Variants in FAM86B2 observed in about 807,000 individuals in gnomAD.
FAM86B2 encodes the protein family with sequence similarity 86 member B2.
FAM86B2 carries 1 observed loss-of-function variant against 26.5 expected under a neutral mutation model. The ratio of observed to expected loss-of-function variants is 0.04; its 90% CI spans 0.01 to 0.18. FAM86B2 has a LOEUF of 0.18. Among genes scored for constraint, FAM86B2 ranks in the 10% least tolerant of loss-of-function variants. FAM86B2 has a pLI of 1.00. For missense variants in FAM86B2, 43 were observed against 303.5 expected (o/e 0.14, Z 6.38); for synonymous variants, 11 against 127.8 (o/e 0.09, Z 6.17).
chr8:12,435,844 G>C lies in FAM86B2; in HGVS notation c.96+404C>G, dbSNP rs904129778. On this transcript the variant is annotated intron_variant, in intron 1 of 7. Transcript: ENST00000262365. Reference sequence around the variant, plus strand: ...TGAGAACACTGAGGCACGAGGGACAGCCTGTGACCTGGTCACCACGCTCAG... The same window carrying C: ...TGAGAACACTGAGGCACGAGGGACACCCTGTGACCTGGTCACCACGCTCAG... 3.6e-5 allele frequency among the ~76,000 whole-genome samples: 5 copies of C among 140,372 alleles called. 1 individual carries two copies. The highest frequency in any genetic ancestry group is 6.9e-5 in the Admixed American group (1 of 14,474). The allele number at this position is 140,372 out of a possible 152,430, so 92.1% of individuals were successfully genotyped here.
Position 12,424,865 on chromosome 8 carries a change from T to G in FAM86B2, c.*1024A>C, listed in dbSNP as rs79003806. 0.05 allele frequency: 73,831 copies of G among 1,472,882 alleles called. 1,197 individuals are homozygous for G. The highest frequency in any genetic ancestry group is 0.35 in the African/African-American group (23,491 of 66,532). 91.2% of individuals were successfully genotyped at this position (1,472,882 alleles called of 1,614,324 possible). On this transcript the variant is annotated 3_prime_UTR_variant, in exon 8 of 8. Coordinates refer to ENST00000262365, the MANE Select transcript of FAM86B2 (RefSeq NM_001137610.3). ...GAGTTAAGCTCTGCTCTTTAGCATT[T>G]TGCAGATGCTTTTCTCAAACTTTTC...
At chr8:12,431,561 TA>T in intron 3 of FAM86B2, among the ~76,000 whole-genome samples, 1 of 84,464 alleles carries the variant, frequency 1.2e-5, no homozygotes, top group Non-Finnish European at 2.2e-5. Context: ...AATAAATAAA[TA>T]AATAAATAAA....
intron 4 of FAM86B2, among the ~76,000 whole-genome samples, chr8:12,429,448 GT>G (rs1232701616): frequency 1.4e-5 from 1 of 71,288 alleles, no homozygotes; most frequent in African/African-American, 5.2e-5. Flanking sequence ...AATATGCTAT[GT>G]TTTTCCTTTG....
chr8:12,426,359 A>G (rs1454562488), intron 7 of FAM86B2, among the ~76,000 whole-genome samples: 1 of 148,336 alleles, frequency 6.7e-6, no homozygotes. Context: ...GTCTCAAAAA[A>G]AAAAAAAGGT....
At chr8:12,429,448 GTTTT>G (rs1232701616) in intron 4 of FAM86B2, among the ~76,000 whole-genome samples, 33 of 71,238 alleles carry the variant, frequency 4.6e-4, no homozygotes, top group Admixed American at 1.3e-3. Flanking sequence ...AATATGCTAT[GTTTT>G]TCCTTTGTGG....
chr8:12,434,825 C>T (rs1424323058), intron 1 of FAM86B2, among the ~76,000 whole-genome samples: 1 of 149,268 alleles, frequency 6.7e-6, no homozygotes, highest in African/African-American at 2.5e-5. Context: ...AGTTCAAATG[C>T]CACCTCTTTG....
chr8:12,428,328 G>A (rs3959016), intron 6 of FAM86B2, among the ~76,000 whole-genome samples: 18,703 of 140,760 alleles, frequency 0.13, 50 homozygotes, highest in East Asian at 0.24. Context: ...CCCTGACCTC[G>A]TACCAGAAGT....
chr8:12,426,464 C>A (rs1403855022), intron 7 of FAM86B2, among the ~76,000 whole-genome samples: 3 of 35,942 alleles, frequency 8.3e-5, no homozygotes, highest in South Asian at 1.3e-3. Context: ...TGAAGAAAGA[C>A]TTCCTTTTTT....
intron 2 of FAM86B2, among the ~76,000 whole-genome samples, chr8:12,432,836 AC>A (rs1798287261): frequency 6.6e-6 from 1 of 151,228 alleles, no homozygotes; most frequent in Non-Finnish European, 1.5e-5. Flanking sequence ...CCCAGGCAAT[AC>A]ACAGGCTCTT....
chr8:12,428,424 C>T (rs1239921724), intron 6 of FAM86B2, among the ~76,000 whole-genome samples: 4 of 152,086 alleles, frequency 2.6e-5, no homozygotes, highest in Non-Finnish European at 2.9e-5. Context: ...CGGGAGTATG[C>T]CTGTCTCCAA....
At chr8:12,434,991 C>G (rs1340823114) in intron 1 of FAM86B2, among the ~76,000 whole-genome samples, 2 of 151,386 alleles carry the variant, frequency 1.3e-5, no homozygotes, top group African/African-American at 4.9e-5. Context: ...AGAGCCTCAT[C>G]TATCATGGGT....
intron 1 of FAM86B2, among the ~76,000 whole-genome samples, chr8:12,434,749 C>G (rs1289524737): frequency 2.1e-5 from 3 of 145,800 alleles, no homozygotes; most frequent in African/African-American, 7.7e-5. Flanking sequence ...ATTTCCACAA[C>G]AGGGCCTTTG....
Position 12,426,414 on chromosome 8 carries a change from C to A in FAM86B2, c.893-425G>T, listed in dbSNP as rs1381153720. Among the ~76,000 whole-genome samples, 37 of 132,658 alleles carry A rather than the reference C, an allele frequency of 2.8e-4. 2 individuals are homozygous for A. The highest frequency in any genetic ancestry group is 9.1e-4 in the African/African-American group (32 of 35,150). The allele number at this position is 132,658 out of a possible 152,430, so 87.0% of individuals were successfully genotyped here. On this transcript the variant is annotated intron_variant, in intron 7 of 7. Coordinates refer to ENST00000262365, the MANE Select transcript of FAM86B2 (RefSeq NM_001137610.3). ...GTGTGCTGCTTGGCACTGTTTTTTT[C>A]ACTTAAAAGATATTGCAGGTTTTTT...
chr8:12,434,985 C>T (rs1247630051), intron 1 of FAM86B2, among the ~76,000 whole-genome samples: 1 of 151,480 alleles, frequency 6.6e-6, no homozygotes, highest in Non-Finnish European at 1.5e-5. Flanking sequence ...GCAAGCAGAG[C>T]CTCATCTATC....
At chr8:12,434,802 C>T (rs1264412958) in intron 1 of FAM86B2, among the ~76,000 whole-genome samples, 2 of 146,428 alleles carry the variant, frequency 1.4e-5, no homozygotes, top group Non-Finnish European at 3.0e-5. Context: ...GGCTGCTTCA[C>T]CACTCAGGCC....
chr8:12,435,874 A>G (rs142669535), intron 1 of FAM86B2, among the ~76,000 whole-genome samples: 12,136 of 139,664 alleles, frequency 0.087, 615 homozygotes, highest in African/African-American at 0.14. Flanking sequence ...GCTCAGGAGG[A>G]GGTGGTTACC....
chr8:12,435,071 G>A (rs1798553324), intron 1 of FAM86B2, among the ~76,000 whole-genome samples: 1 of 93,354 alleles, frequency 1.1e-5, no homozygotes, highest in African/African-American at 3.5e-5. Context: ...GAAAACACTA[G>A]CTAACACCGA....
At chr8:12,431,581 A>T (rs1353673182) in intron 3 of FAM86B2, among the ~76,000 whole-genome samples, 2 of 85,720 alleles carry the variant, frequency 2.3e-5, no homozygotes, top group Non-Finnish European at 4.3e-5. Flanking sequence ...AATAAGTAAA[A>T]AATAAAATCC....
rs372770001 is a variant in FAM86B2 at position 12,429,521 on chromosome 8, G to A, written c.343-407C>T. ...TTTTTGAGCTCTGTCACCCAGGCTG[G>A]AGTCAGTGGCACGATCTTGGCTTAC... On this transcript the variant is annotated intron_variant, in intron 4 of 7. Transcript: ENST00000262365. 6.1e-5 allele frequency among the ~76,000 whole-genome samples: 5 copies of A among 81,502 alleles called. 1 individual carries two copies. In the East Asian group the frequency reaches 2.0e-3, roughly 33 times the overall value. 53.5% of individuals were successfully genotyped at this position (81,502 alleles called of 152,430 possible). A position where few individuals can be genotyped will look rare whatever the true frequency, so the allele number is the denominator to read the frequency against.
Sources: allele counts gnomAD v4.1 joint callset (sites outside exome capture counted in the v4.1 genomes callset), GRCh38; gene constraint gnomAD v4.1.1; transcripts MANE v1.5; gene names NCBI Gene and HGNC (gene_info 2026-07-23, HGNC 2026-07-21).